Variants in PBX4 observed in about 807,000 individuals in gnomAD.
PBX4 encodes the protein PBX homeobox 4, also known as pre-B-cell leukemia transcription factor 4.
PBX4 carries 26 observed loss-of-function variants against 35.1 expected under a neutral mutation model. The ratio of observed to expected loss-of-function variants is 0.74; its 90% CI spans 0.54 to 1.03. The LOEUF (loss-of-function observed/expected upper bound fraction) is 1.03. Ranked by LOEUF, PBX4 falls within the 50% of genes least tolerant of loss-of-function variation. The probability of loss-of-function intolerance (pLI) is 0.00; values close to 1 mark genes in which losing one functional copy is unlikely to be tolerated. For synonymous variants in PBX4, 199 were observed against 204.2 expected, an observed-to-expected ratio of 0.97 and a Z score of 0.22; for missense variants, 448 against 504.3, an observed-to-expected ratio of 0.89 and a Z score of 1.07.
chr19:19,569,653 T>C, intron 4 of PBX4, 69 bp from the exon 5 acceptor site: 2 of 1,536,158 alleles, frequency 1.3e-6, no homozygotes, highest in Non-Finnish European at 1.8e-6. Flanking sequence ...CCTCTAGTTC[T>C]GAGTATGATT....
intron 1 of PBX4, among the ~76,000 whole-genome samples, chr19:19,614,196 G>C (rs1055678112): frequency 1.3e-5 from 2 of 151,234 alleles, no homozygotes; most frequent in Admixed American, 6.6e-5. Flanking sequence ...CCATTCATTG[G>C]TGGTTTGAGG....
intron 1 of PBX4, among the ~76,000 whole-genome samples, chr19:19,605,373 G>T (rs186640176): frequency 1.3e-5 from 2 of 149,250 alleles, no homozygotes; most frequent in Admixed American, 6.7e-5. Context: ...CTGAGATTGC[G>T]CCACAGCACT....
At chr19:19,599,418 T>A (rs752767274) in intron 1 of PBX4, 53 bp from the exon 2 acceptor site, 262 of 1,467,216 alleles carry the variant, frequency 1.8e-4, no homozygotes, top group Non-Finnish European at 2.3e-4. Context: ...CATCATCTTG[T>A]CCCCAAGAGT....
chr19:19,605,323 G>A (rs2061623313), intron 1 of PBX4, among the ~76,000 whole-genome samples: 1 of 151,122 alleles, frequency 6.6e-6, no homozygotes, highest in Non-Finnish European at 1.5e-5. Context: ...GGCTGAGGCA[G>A]GAGAATCACT....
chr19:19,586,888 G>A (rs919779227), intron 2 of PBX4, among the ~76,000 whole-genome samples: 1 of 151,740 alleles, frequency 6.6e-6, no homozygotes, highest in African/African-American at 2.4e-5. Context: ...CCGAGATCGC[G>A]CCACTGTACT....
chr19:19,583,608 C>T lies in PBX4; in HGVS notation c.194-12775G>A, dbSNP rs1034151764. 3.3e-5 allele frequency among the ~76,000 whole-genome samples: 5 copies of T among 151,888 alleles called. No homozygotes were observed. In the South Asian group the frequency reaches 8.3e-4, roughly 25 times the overall value. The stretch of plus-strand genomic sequence containing the variant: ...CCAGTTCGACAAAGTAAGACCCCCT[C>T]TCCCACCAAAAAAAGATACAGAAAA... On this transcript the variant is annotated intron_variant, in intron 2 of 7. Transcript: ENST00000251203.
intron 2 of PBX4, among the ~76,000 whole-genome samples, chr19:19,574,561 T>G (rs575392460): frequency 6.6e-6 from 1 of 152,078 alleles, no homozygotes; most frequent in Admixed American, 6.6e-5. Context: ...CTTTCTGAGA[T>G]GGCTGAAGGA....
At chr19:19,566,953 G>A (rs535726666) in intron 5 of PBX4, among the ~76,000 whole-genome samples, 3 of 152,174 alleles carry the variant, frequency 2.0e-5, no homozygotes, top group African/African-American at 2.4e-5. Flanking sequence ...CAGGTGATTC[G>A]TCCGCCTTGG....
chr19:19,579,620 G>C (rs1339314405), intron 2 of PBX4, among the ~76,000 whole-genome samples: 1 of 152,188 alleles, frequency 6.6e-6, no homozygotes, highest in African/African-American at 2.4e-5. Context: ...CAGCCCCATA[G>C]GGAGAAGGCT....
chr19:19,600,276 CAA>C (rs2061589143), intron 1 of PBX4, among the ~76,000 whole-genome samples: 1 of 152,110 alleles, frequency 6.6e-6, no homozygotes, highest in Non-Finnish European at 1.5e-5. Flanking sequence ...TCTGTAATCT[CAA>C]CGCTTTGGGA....
At chr19:19,594,413 A>G (rs2061548757) in intron 2 of PBX4, among the ~76,000 whole-genome samples, 5 of 149,996 alleles carry the variant, frequency 3.3e-5, no homozygotes, top group Admixed American at 2.7e-4. Context: ...AAAAAAAAAG[A>G]GTCCTGAGCA....
chr19:19,594,397 A>C (rs1342484662), intron 2 of PBX4, among the ~76,000 whole-genome samples: 2 of 142,520 alleles, frequency 1.4e-5, no homozygotes, highest in African/African-American at 5.0e-5. Context: ...ACTCTGTCTA[A>C]AAAAAAAAAA....
chr19:19,586,677 G>A (rs532235754), intron 2 of PBX4, among the ~76,000 whole-genome samples: 9 of 152,108 alleles, frequency 5.9e-5, no homozygotes, highest in African/African-American at 1.9e-4. Context: ...CGGGCATGAT[G>A]GCTCCTGCCT....
chr19:19,575,028 C>T (rs940117923), intron 2 of PBX4, among the ~76,000 whole-genome samples: 1 of 151,894 alleles, frequency 6.6e-6, no homozygotes, highest in East Asian at 1.9e-4. Context: ...CTTCAAGAAG[C>T]TCCACCATCC....
At chr19:19,617,218 G>A (rs2061693118) in intron 1 of PBX4, among the ~76,000 whole-genome samples, 1 of 152,048 alleles carries the variant, frequency 6.6e-6, no homozygotes. Context: ...GTCTCACTAT[G>A]TTGCCCAGGC....
At chr19:19,596,192 G>A (rs534051891) in intron 2 of PBX4, among the ~76,000 whole-genome samples, 1 of 152,108 alleles carries the variant, frequency 6.6e-6, no homozygotes, top group Non-Finnish European at 1.5e-5. Context: ...AGGAGTTTGA[G>A]ACGAGTCTGG....
At chr19:19,603,560 C>T (rs1416537620) in intron 1 of PBX4, among the ~76,000 whole-genome samples, 10 of 152,264 alleles carry the variant, frequency 6.6e-5, no homozygotes, top group Admixed American at 3.9e-4. Flanking sequence ...GCATGAGCCA[C>T]GGTGCCCAGC....
chr19:19,590,881 T>G (rs2061524044), intron 2 of PBX4, among the ~76,000 whole-genome samples: 1 of 152,216 alleles, frequency 6.6e-6, no homozygotes, highest in African/African-American at 2.4e-5. Context: ...TTGGCAATGA[T>G]AGGATGTTCT....
chr19:19,577,596 G>GCCAAAAAA (rs2061427946), intron 2 of PBX4, among the ~76,000 whole-genome samples: 1 of 152,178 alleles, frequency 6.6e-6, no homozygotes, highest in African/African-American at 2.4e-5. Context: ...GCCGGGCTTG[G>GCCAAAAAA]TGGCTCACGC....
Sources: allele counts gnomAD v4.1 joint callset (sites outside exome capture counted in the v4.1 genomes callset), GRCh38; gene constraint gnomAD v4.1.1; transcripts MANE v1.5; gene names NCBI Gene and HGNC (gene_info 2026-07-23, HGNC 2026-07-21).